Variants in MARCHF1 observed in about 807,000 individuals in gnomAD.
The protein encoded by MARCHF1 is membrane associated ring-CH-type finger 1, also known as E3 ubiquitin-protein ligase MARCHF1.
Under a neutral mutation model 54.2 loss-of-function variants are expected in MARCHF1, and 40 were observed. The observed-to-expected ratio is 0.74, with a 90% CI of 0.57 to 0.96. The LOEUF (loss-of-function observed/expected upper bound fraction) is 0.96, where lower values mean the gene tolerates loss of function less well. Ranked by LOEUF, MARCHF1 falls within the 40% of genes least tolerant of loss-of-function variation. The pLI is 0.00. For missense variants in MARCHF1, 586 were observed against 656.5 expected, an observed-to-expected ratio of 0.89 and a Z score of 1.17; for synonymous variants, 236 against 236.3, an observed-to-expected ratio of 1.00 and a Z score of 0.01.
chr4:164,137,146 G>A (rs1756419627), intron 1 of MARCHF1, among the ~76,000 whole-genome samples: 1 of 152,114 alleles, frequency 6.6e-6, no homozygotes, highest in Non-Finnish European at 1.5e-5. Context: ...TTTTAATGTT[G>A]TCAATTCACA....
Position 163,842,341 on chromosome 4 carries a change from A to G in MARCHF1, c.111+11680T>C, listed in dbSNP as rs141904143. ...TCTACATTAGAGGCCTATTTTGAGA[A>G]TCATGTATCTCTAAGATATATATGT... On this transcript the variant is annotated intron_variant, in intron 4 of 9. Transcript: ENST00000514618. 2.9e-3 allele frequency among the ~76,000 whole-genome samples: 435 copies of G among 152,136 alleles called. 1 individual carries two copies. The highest frequency in any genetic ancestry group is 9.1e-3 in the African/African-American group (379 of 41,548).
chr4:164,091,497 A>G (rs569318396), intron 2 of MARCHF1, among the ~76,000 whole-genome samples: 218 of 150,348 alleles, frequency 1.4e-3, no homozygotes, highest in African/African-American at 5.2e-3. Flanking sequence ...TCACTTGAAA[A>G]TTAAGAATAC....
chr4:164,079,615 A>G (rs1365262463), intron 2 of MARCHF1, among the ~76,000 whole-genome samples: 1 of 152,288 alleles, frequency 6.6e-6, no homozygotes, highest in East Asian at 1.9e-4. Flanking sequence ...TGAATAGAGT[A>G]TAGCAGTTGA....
intron 1 of MARCHF1, among the ~76,000 whole-genome samples, chr4:164,363,735 T>G (rs1404308873): frequency 6.6e-6 from 1 of 151,586 alleles, no homozygotes; most frequent in Non-Finnish European, 1.5e-5. Flanking sequence ...TGCCCTGCAT[T>G]GTATTATTTA....
chr4:163,959,066 G>T (rs952649797), intron 3 of MARCHF1, among the ~76,000 whole-genome samples: 4 of 151,820 alleles, frequency 2.6e-5, no homozygotes, highest in Non-Finnish European at 5.9e-5. Flanking sequence ...TGTAGGTGAG[G>T]TTATCTGAGA....
intron 1 of MARCHF1, among the ~76,000 whole-genome samples, chr4:164,295,514 T>A (rs563049643): frequency 6.6e-6 from 1 of 152,222 alleles, no homozygotes; most frequent in East Asian, 1.9e-4. Flanking sequence ...ACAAGGAAAC[T>A]ATATGTGAAA....
chr4:164,031,749 A>G lies in MARCHF1; in HGVS notation c.-247-43040T>C, dbSNP rs376274663. Among the ~76,000 whole-genome samples the G allele has an allele frequency of 6.6e-4, 100 of 152,118 alleles. 2 individuals are homozygous for G. In the South Asian group the frequency reaches 0.02, roughly 30 times the overall value. On this transcript the variant is annotated intron_variant, in intron 2 of 9. Coordinates refer to ENST00000514618, the MANE Select transcript of MARCHF1 (RefSeq NM_001394959.1). ...TTGGTTTGCCAGTATTTTATTGAGG[A>G]TTTTTACATCGATGTTCATCAGGGA...
chr4:164,020,671 C>A (rs1213345895), intron 2 of MARCHF1, among the ~76,000 whole-genome samples: 1 of 152,170 alleles, frequency 6.6e-6, no homozygotes, highest in Non-Finnish European at 1.5e-5. Context: ...ATGGCTCATG[C>A]CTGTAATCCC....
rs550221540 is a variant in MARCHF1, at chr4:163,877,954, A to G, written c.-38-23785T>C. Among the ~76,000 whole-genome samples, 7 of 152,320 alleles carry G rather than the reference A, an allele frequency of 4.6e-5. No homozygotes were observed. In the South Asian group the frequency reaches 1.4e-3, roughly 32 times the overall value. ...CATGCAAACATGGAAGTGAAAGCAG[A>G]GGATAGAGAGAGGGGAAAACAAACA... On this transcript the variant is annotated intron_variant, in intron 3 of 9. Coordinates refer to ENST00000514618, the MANE Select transcript of MARCHF1 (RefSeq NM_001394959.1).
At chr4:163,932,718 A>G (rs1462435654) in intron 3 of MARCHF1, 1 of 535,924 alleles carries the variant, frequency 1.9e-6, no homozygotes, top group East Asian at 4.4e-5. Context: ...CATCGAGCAG[A>G]AGACAGACAC....
chr4:164,188,380 C>CA lies in MARCHF1; in HGVS notation c.-322-76719dup, dbSNP rs571881604. The CA allele has an allele frequency of 3.1e-4, 153 of 491,544 alleles. 1 individual carries two copies. Among genetic ancestry groups the CA allele is most frequent in the South Asian group, 3.0e-3 (144 of 47,332 alleles). The allele number at this position is 491,544 out of a possible 1,614,324, so 30.4% of individuals were successfully genotyped here. A position where few individuals can be genotyped will look rare whatever the true frequency, so the allele number is the denominator to read the frequency against. ...CTGCCTCTGCTGCCCGACTGGCTGG[C>CA]AAGATGAAGCTCTCCCTGGTGGCGG... On this transcript the variant is annotated intron_variant, in intron 1 of 9. Transcript: ENST00000514618.
intron 4 of MARCHF1, among the ~76,000 whole-genome samples, chr4:163,773,029 T>C (rs1747205179): frequency 6.6e-6 from 1 of 152,214 alleles, no homozygotes; most frequent in Non-Finnish European, 1.5e-5. Flanking sequence ...AGTACCTGTC[T>C]CAAAGTTTGA....
intron 4 of MARCHF1, among the ~76,000 whole-genome samples, chr4:163,752,794 A>T (rs1746562820): frequency 6.6e-6 from 1 of 152,240 alleles, no homozygotes; most frequent in Non-Finnish European, 1.5e-5. Context: ...AATAGAATCC[A>T]AATTCATAGC....
intron 4 of MARCHF1, among the ~76,000 whole-genome samples, chr4:163,847,527 G>T (rs1392174705): frequency 6.0e-5 from 8 of 132,664 alleles, no homozygotes; most frequent in East Asian, 4.2e-4. Context: ...TTTTTCATTT[G>T]ATCTTTTCGA....
intron 1 of MARCHF1, among the ~76,000 whole-genome samples, chr4:164,310,109 C>T (rs1020875549): frequency 1.3e-5 from 2 of 151,768 alleles, no homozygotes; most frequent in Non-Finnish European, 2.9e-5. Flanking sequence ...GACAGAGTCT[C>T]GCTCTGTCGC....
At chr4:164,354,317 G>A (rs577414259) in intron 1 of MARCHF1, among the ~76,000 whole-genome samples, 1 of 133,792 alleles carries the variant, frequency 7.5e-6, no homozygotes, top group South Asian at 2.3e-4. Flanking sequence ...CCAAAAAAGA[G>A]AATTTTAGAC....
At chr4:164,137,393 T>C (rs894813415) in intron 1 of MARCHF1, among the ~76,000 whole-genome samples, 2 of 152,164 alleles carry the variant, frequency 1.3e-5, no homozygotes, top group Non-Finnish European at 2.9e-5. Context: ...AGTAGGATAA[T>C]AGAACATGAC....
intron 1 of MARCHF1, among the ~76,000 whole-genome samples, chr4:164,304,130 T>C (rs1233581704): frequency 6.6e-6 from 1 of 152,168 alleles, no homozygotes; most frequent in Non-Finnish European, 1.5e-5. Flanking sequence ...AAGCTTGCAA[T>C]TAAGATCATA....
At chr4:164,105,347 A>C (rs1579538464) in intron 2 of MARCHF1, among the ~76,000 whole-genome samples, 1 of 147,114 alleles carries the variant, frequency 6.8e-6, no homozygotes. Context: ...GAGGCATCAC[A>C]CTACCTGACT....
Sources: gnomAD v4.1 joint callset for allele counts (sites outside exome capture counted in the v4.1 genomes callset) on GRCh38, gnomAD v4.1.1 for gene constraint, MANE v1.5 for transcripts, NCBI Gene and HGNC (gene_info 2026-07-23, HGNC 2026-07-21) for gene names.